Variants in NOX4 observed in about 807,000 individuals in gnomAD.
NOX4 encodes NADPH oxidase 4.
In NOX4, 69 loss-of-function variants were observed where a neutral mutation model predicts 87.6. The observed-to-expected ratio is 0.79, with a 90% CI of 0.65 to 0.96. The LOEUF (loss-of-function observed/expected upper bound fraction) is 0.96. Ranked by LOEUF, NOX4 falls within the 40% of genes least tolerant of loss-of-function variation. The pLI, the probability that NOX4 is intolerant of heterozygous loss-of-function variation, is 0.00. For missense variants in NOX4, 680 were observed against 681.5 expected, an observed-to-expected ratio of 1.00 and a Z score of 0.02; for synonymous variants, 275 against 238.2, an observed-to-expected ratio of 1.15 and a Z score of -1.42.
intron 11 of NOX4, among the ~76,000 whole-genome samples, chr11:89,386,261 T>C (rs1383967187): frequency 2.0e-5 from 3 of 152,104 alleles, no homozygotes; most frequent in Admixed American, 6.6e-5. Context: ...AAATTTGTCA[T>C]CCCTACTATC....
At chr11:89,335,177 T>G (rs1312135950) in intron 17 of NOX4, among the ~76,000 whole-genome samples, 1 of 151,782 alleles carries the variant, frequency 6.6e-6, no homozygotes, top group East Asian at 1.9e-4. Context: ...CAAAATCTTC[T>G]TAGAATTCTT....
chr11:89,452,784 G>A (rs992267422), intron 2 of NOX4, among the ~76,000 whole-genome samples: 2 of 151,856 alleles, frequency 1.3e-5, no homozygotes, highest in African/African-American at 4.8e-5. Context: ...GTACCATCAG[G>A]GCTCACTGCA....
chr11:89,405,964 A>G (rs764918026), intron 8 of NOX4, among the ~76,000 whole-genome samples: 4 of 152,080 alleles, frequency 2.6e-5, no homozygotes, highest in Non-Finnish European at 5.9e-5. Flanking sequence ...TTGAAGACCA[A>G]TGTATACATT....
At chr11:89,552,277 G>T in the NOX4 span, among the ~76,000 whole-genome samples, 2 of 152,114 alleles carry the variant, frequency 1.3e-5, no homozygotes, top group Admixed American at 1.3e-4. Flanking sequence ...TGTCAGATCT[G>T]GGACTTGAAT....
At chr11:89,418,685 G>A (rs1243193003) in intron 8 of NOX4, among the ~76,000 whole-genome samples, 3 of 151,814 alleles carry the variant, frequency 2.0e-5, no homozygotes, top group Admixed American at 6.6e-5. Flanking sequence ...AGAAATTACA[G>A]TAAAATAATT....
At chr11:89,534,575 G>T in the NOX4 span, among the ~76,000 whole-genome samples, 3 of 152,332 alleles carry the variant, frequency 2.0e-5, no homozygotes, top group African/African-American at 7.2e-5. Context: ...GCAAGGTTCA[G>T]GTTCTTCTGT....
In NOX4 at chr11:89,386,787, A is replaced by G. The variant is rs112041860; in HGVS notation, c.1074+13230T>C. On this transcript the variant is annotated intron_variant, in intron 11 of 17. Transcript: ENST00000263317. ...AGGATAGAGCCCCAAAAACTCTCCA[A>G]CCAAGCAAGTAATTATGCTGAACCC... is the stretch of plus-strand genomic sequence containing the variant. 9.4e-4 allele frequency among the ~76,000 whole-genome samples: 143 copies of G among 152,256 alleles called. 1 individual carries two copies. The highest frequency in any genetic ancestry group is 3.3e-3 in the African/African-American group (139 of 41,570).
At position 89,342,095 on chromosome 11, in the gene NOX4, G is replaced by C; in HGVS notation, c.1316C>G (p.Ala439Gly). The C allele has an allele frequency of 6.2e-7, 1 of 1,613,148 alleles. No homozygotes were observed. Among genetic ancestry groups the C allele is most frequent in the East Asian group, 2.2e-5 (1 of 44,830 alleles). The change falls in exon 14 of 18, where the codon GCA becomes GGA. Residue 439 changes from alanine (A) to glycine (G), a missense_variant. Coordinates refer to ENST00000263317, the MANE Select transcript of NOX4 (RefSeq NM_016931.5). ...VAGGIGVTPFASILNTLLDDW... is the reference protein window; with the variant it reads ...VAGGIGVTPFGSILNTLLDDW... The stretch of plus-strand genomic sequence containing the variant: ...ATACAACAGGGTGTTGAGTATTGAT[G>C]CAAATGGAGTTACTCCAATGCCTCC...
chr11:89,582,274 C>T, the NOX4 span, among the ~76,000 whole-genome samples: 1 of 151,984 alleles, frequency 6.6e-6, no homozygotes, highest in African/African-American at 2.4e-5. Flanking sequence ...TTTTCTTTAT[C>T]CATTCATCTG....
intron 11 of NOX4, among the ~76,000 whole-genome samples, chr11:89,399,442 T>TAAATATATATATATATATATATAA: frequency 8.0e-6 from 1 of 125,756 alleles, no homozygotes; most frequent in South Asian, 2.6e-4. Flanking sequence ...AATATATATA[T>TAAATATATATATATATATATATAA]ATATATATAT....
intron 13 of NOX4, among the ~76,000 whole-genome samples, chr11:89,344,985 A>G (rs1946154439): frequency 6.6e-6 from 1 of 152,208 alleles, no homozygotes. Context: ...AGTGAGTGTG[A>G]TAAACTATTC....
intron 11 of NOX4, among the ~76,000 whole-genome samples, chr11:89,381,055 T>C (rs1204358044): frequency 2.0e-5 from 3 of 152,192 alleles, no homozygotes; most frequent in Non-Finnish European, 4.4e-5. Context: ...CATTCTTGCC[T>C]GGTTTTCTTT....
At chr11:89,550,191 C>CTTT in the NOX4 span, among the ~76,000 whole-genome samples, 4 of 146,060 alleles carry the variant, frequency 2.7e-5, no homozygotes, top group South Asian at 2.2e-4. Context: ...GATAGCTAGT[C>CTTT]TTTTTTTTTT....
At chr11:89,461,310 A>T (rs889387172) in intron 2 of NOX4, among the ~76,000 whole-genome samples, 8 of 151,876 alleles carry the variant, frequency 5.3e-5, no homozygotes, top group South Asian at 2.1e-4. Flanking sequence ...AAGTATAATT[A>T]AAAAAAAGAA....
the NOX4 span, among the ~76,000 whole-genome samples, chr11:89,561,796 A>C: frequency 1.3e-5 from 2 of 152,154 alleles, no homozygotes; most frequent in Admixed American, 1.3e-4. Flanking sequence ...AATCCATAGA[A>C]TGTCAGATGG....
intron 8 of NOX4, among the ~76,000 whole-genome samples, chr11:89,407,657 T>C (rs1035772286): frequency 7.7e-4 from 117 of 152,202 alleles, no homozygotes; most frequent in African/African-American, 2.7e-3. Context: ...TGTTTTGCTT[T>C]CTGTTTGTTT....
At chr11:89,544,953 T>C in the NOX4 span, among the ~76,000 whole-genome samples, 5 of 152,092 alleles carry the variant, frequency 3.3e-5, no homozygotes, top group African/African-American at 1.2e-4. Context: ...AAAAACTCGG[T>C]AGCAGCCATA....
chr11:89,429,405 A>T lies in NOX4; in HGVS notation c.548+3379T>A, dbSNP rs1943648935. Reference sequence around the variant, plus strand: ...AGAGACACAAAAAACCCTTCAAAAAATCAATGAATGCAGAAGCTGGTTTTT... The same window carrying T: ...AGAGACACAAAAAACCCTTCAAAAATTCAATGAATGCAGAAGCTGGTTTTT... On this transcript the variant is annotated intron_variant, in intron 7 of 17. Coordinates refer to ENST00000263317, the MANE Select transcript of NOX4 (RefSeq NM_016931.5). Among the ~76,000 whole-genome samples the T allele has an allele frequency of 2.0e-5, 3 of 152,186 alleles. No individual in the cohort carries two copies. In the South Asian group the frequency reaches 6.2e-4, roughly 32 times the overall value.
At chr11:89,449,044 T>C (rs1944833677) in intron 4 of NOX4, among the ~76,000 whole-genome samples, 1 of 152,112 alleles carries the variant, frequency 6.6e-6, no homozygotes, top group African/African-American at 2.4e-5. Context: ...AACTTTTGGA[T>C]ATCATAATGT....
Sources: allele counts gnomAD v4.1 joint callset (sites outside exome capture counted in the v4.1 genomes callset), GRCh38; gene constraint gnomAD v4.1.1; transcripts MANE v1.5; gene names NCBI Gene and HGNC (gene_info 2026-07-23, HGNC 2026-07-21).